The following ZNF654 variants were observed in gnomAD, a reference collection of about 807,000 sequenced individuals.
ZNF654 encodes zinc finger protein 654.
A neutral mutation model predicts 95.3 loss-of-function variants in ZNF654; 19 were observed. The observed-to-expected ratio is 0.20, with a 90% CI of 0.14 to 0.29. The LOEUF is 0.29. Ranked by LOEUF, ZNF654 falls within the 10% of genes least tolerant of loss-of-function variation. ZNF654 has a pLI of 1.00. For missense variants in ZNF654, 1,046 were observed against 1,341.0 expected (o/e 0.78, Z 3.44); for synonymous variants, 413 against 457.9 (o/e 0.90, Z 1.25).
intron 6 of ZNF654, among the ~76,000 whole-genome samples, chr3:88,130,993 G>A (rs1706424743): frequency 6.6e-6 from 1 of 152,122 alleles, no homozygotes; most frequent in Admixed American, 6.6e-5. Flanking sequence ...ATACAGTTAT[G>A]CAGCACTTAA....
chr3:88,080,029 C>G (rs751483007), intron 1 of ZNF654, among the ~76,000 whole-genome samples: 20 of 151,018 alleles, frequency 1.3e-4, no homozygotes, highest in African/African-American at 4.6e-4. Context: ...ACAAGTGACT[C>G]TTTTTTTTTC....
chr3:88,059,636 A>G, intron 1 of ZNF654, 131 bp downstream of exon 1: 1 of 1,235,956 alleles, frequency 8.1e-7, no homozygotes, highest in Non-Finnish European at 1.0e-6. Context: ...GTGAGGCTGA[A>G]GCTCCCTCCT....
intron 6 of ZNF654, among the ~76,000 whole-genome samples, chr3:88,131,587 A>T (rs925829686): frequency 2.0e-5 from 3 of 152,132 alleles, no homozygotes; most frequent in African/African-American, 4.8e-5. Flanking sequence ...TCTACTCTTT[A>T]GGGAAGGACC....
intron 7 of ZNF654, among the ~76,000 whole-genome samples, chr3:88,136,398 A>G (rs1706785956): frequency 6.6e-6 from 1 of 152,210 alleles, no homozygotes; most frequent in Admixed American, 6.6e-5. Context: ...ACTCTACTAA[A>G]AAGACTTTTA....
At chr3:88,122,614 A>C (rs1043843922) in intron 3 of ZNF654, among the ~76,000 whole-genome samples, 1 of 152,236 alleles carries the variant, frequency 6.6e-6, no homozygotes, top group Non-Finnish European at 1.5e-5. Flanking sequence ...TATATTTAGC[A>C]CAGTGTAATG....
chr3:88,099,416 G>C (rs936369163), intron 2 of ZNF654, among the ~76,000 whole-genome samples: 14 of 152,170 alleles, frequency 9.2e-5, no homozygotes, highest in African/African-American at 3.4e-4. Flanking sequence ...GTAATTTATA[G>C]ATTCAATGCC....
intron 2 of ZNF654, among the ~76,000 whole-genome samples, chr3:88,099,934 ACACC>A (rs1704307241): frequency 6.6e-6 from 1 of 152,232 alleles, no homozygotes; most frequent in Admixed American, 6.5e-5. Context: ...CATGACTAAA[ACACC>A]AAAGGCAATG....
chr3:88,120,707 TAC>T (rs1559723791), intron 3 of ZNF654, among the ~76,000 whole-genome samples: 2 of 152,180 alleles, frequency 1.3e-5, no homozygotes, highest in African/African-American at 4.8e-5. Flanking sequence ...GTATATTACT[TAC>T]GCACATGTAC....
At chr3:88,123,364 A>G (rs1362026769) in intron 3 of ZNF654, among the ~76,000 whole-genome samples, 1 of 152,226 alleles carries the variant, frequency 6.6e-6, no homozygotes, top group Non-Finnish European at 1.5e-5. Flanking sequence ...ATTAATTTTT[A>G]TCTTAGAAAA....
chr3:88,087,165 A>C (rs1441113609), intron 2 of ZNF654, among the ~76,000 whole-genome samples: 6 of 151,332 alleles, frequency 4.0e-5, no homozygotes, highest in Admixed American at 2.0e-4. Flanking sequence ...CGCAACCTCT[A>C]CCTCCCAGGT....
chr3:88,073,470 A>G (rs1192797084), intron 1 of ZNF654, among the ~76,000 whole-genome samples: 2 of 152,202 alleles, frequency 1.3e-5, no homozygotes, highest in Non-Finnish European at 2.9e-5. Context: ...AGTCTACATA[A>G]AAAAAGTAAG....
intron 6 of ZNF654, among the ~76,000 whole-genome samples, chr3:88,131,276 T>C (rs1334420901): frequency 5.9e-5 from 9 of 152,226 alleles, no homozygotes; most frequent in African/African-American, 2.2e-4. Flanking sequence ...CACTGTTGTA[T>C]ACGCAGTCTT....
At chr3:88,136,444 G>A (rs4518156) in intron 7 of ZNF654, among the ~76,000 whole-genome samples, 119,141 of 152,086 alleles carry the variant, frequency 0.78, 47,582 homozygotes, top group South Asian at 0.91. Flanking sequence ...CCTCAGTACT[G>A]TGAAGAGTCA....
intron 1 of ZNF654, among the ~76,000 whole-genome samples, chr3:88,082,933 G>A (rs1203187287): frequency 6.6e-6 from 1 of 152,194 alleles, no homozygotes; most frequent in Non-Finnish European, 1.5e-5. Context: ...ATGGCTTGCA[G>A]ATGACCTGTG....
intron 5 of ZNF654, 165 bp downstream of exon 5, chr3:88,129,176 G>T (rs1029286188): frequency 1.9e-4 from 104 of 547,214 alleles, no homozygotes; most frequent in Non-Finnish European, 3.3e-4. Context: ...ATAACTTAAG[G>T]TCATGTTGAA....
At chr3:88,071,791 T>TGA (rs1297183013) in intron 1 of ZNF654, among the ~76,000 whole-genome samples, 1 of 151,954 alleles carries the variant, frequency 6.6e-6, no homozygotes. Context: ...GCGACAAGAG[T>TGA]GAGACTCCGT....
chr3:88,095,864 A>G (rs1392661105), intron 2 of ZNF654: 1 of 453,620 alleles, frequency 2.2e-6, no homozygotes, highest in Non-Finnish European at 4.2e-6. Context: ...ACTTCAGCAG[A>G]TACTCCACTT....
intron 1 of ZNF654, among the ~76,000 whole-genome samples, chr3:88,078,248 G>A (rs888847065): frequency 2.6e-5 from 4 of 151,968 alleles, no homozygotes; most frequent in Admixed American, 6.6e-5. Flanking sequence ...AAATCAACTG[G>A]TATGAATGAA....
At chr3:88,123,513 T>A (rs910259586) in intron 3 of ZNF654, among the ~76,000 whole-genome samples, 1 of 151,984 alleles carries the variant, frequency 6.6e-6, no homozygotes, top group Non-Finnish European at 1.5e-5. Context: ...TGCCTGTGGG[T>A]GGGAGTTGTT....
Sources: allele counts gnomAD v4.1 joint callset (sites outside exome capture counted in the v4.1 genomes callset), GRCh38; gene constraint gnomAD v4.1.1; transcripts MANE v1.5; gene names NCBI Gene and HGNC (gene_info 2026-07-23, HGNC 2026-07-21).